FCHSD2: variants seen among roughly 807,000 people sequenced by gnomAD.
FCHSD2 encodes F-BAR and double SH3 domains protein 2.
FCHSD2 carries 38 observed loss-of-function variants against 108.1 expected under a neutral mutation model. The observed-to-expected ratio is 0.35, with a 90% CI of 0.27 to 0.46. FCHSD2 has a LOEUF of 0.46. Ranked by LOEUF, FCHSD2 falls within the 20% of genes least tolerant of loss-of-function variation. The pLI is 1.00. For synonymous variants in FCHSD2, 279 were observed against 314.7 expected, an observed-to-expected ratio of 0.89 and a Z score of 1.20; for missense variants, 751 against 897.8, an observed-to-expected ratio of 0.84 and a Z score of 2.09.
At chr11:72,865,869 T>C (rs1854708983) in intron 13 of FCHSD2, among the ~76,000 whole-genome samples, 1 of 152,182 alleles carries the variant, frequency 6.6e-6, no homozygotes, top group South Asian at 2.1e-4. Context: ...TACACAGTAG[T>C]CCAGTCATAC....
chr11:73,136,077 C>T (rs1192371712), intron 2 of FCHSD2, among the ~76,000 whole-genome samples: 1 of 151,442 alleles, frequency 6.6e-6, no homozygotes. Flanking sequence ...GAAGGATCAC[C>T]TGAACCCAGG....
At chr11:72,918,170 T>G (rs1855913699) in intron 9 of FCHSD2, among the ~76,000 whole-genome samples, 1 of 152,212 alleles carries the variant, frequency 6.6e-6, no homozygotes, top group Non-Finnish European at 1.5e-5. Context: ...GTAGTTGGAA[T>G]TATTTTCTTA....
intron 8 of FCHSD2, among the ~76,000 whole-genome samples, chr11:72,947,312 G>A (rs1052177660): frequency 4.6e-5 from 7 of 152,196 alleles, no homozygotes; most frequent in African/African-American, 1.2e-4. Flanking sequence ...TCACACTCAG[G>A]CCCACATCTG....
At chr11:73,081,716 T>C (rs577846045) in intron 3 of FCHSD2, among the ~76,000 whole-genome samples, 90 of 152,122 alleles carry the variant, frequency 5.9e-4, no homozygotes, top group Non-Finnish European at 1.1e-3. Context: ...CAGACTTTCA[T>C]CTCAATTTTA....
At chr11:73,135,548 T>C (rs1164128203) in intron 2 of FCHSD2, among the ~76,000 whole-genome samples, 1 of 152,156 alleles carries the variant, frequency 6.6e-6, no homozygotes, top group Non-Finnish European at 1.5e-5. Flanking sequence ...CTCTAGTATG[T>C]AGAAACTTAT....
intron 4 of FCHSD2, among the ~76,000 whole-genome samples, chr11:73,010,764 C>T (rs1036452810): frequency 6.6e-6 from 1 of 152,186 alleles, no homozygotes; most frequent in African/African-American, 2.4e-5. Context: ...AGTCTTTGAG[C>T]CCCAGTAGAG....
intron 3 of FCHSD2, among the ~76,000 whole-genome samples, chr11:73,036,015 C>T (rs1057071206): frequency 9.9e-5 from 15 of 152,146 alleles, no homozygotes; most frequent in Non-Finnish European, 1.3e-4. Flanking sequence ...CACCACTCCT[C>T]GCCCAGTTTT....
At chr11:73,093,247 C>T (rs1859998140) in intron 2 of FCHSD2, among the ~76,000 whole-genome samples, 1 of 152,164 alleles carries the variant, frequency 6.6e-6, no homozygotes, top group Admixed American at 6.5e-5. Context: ...GCCCTGTACA[C>T]CTCTTCCCTT....
rs1342033214 is a variant in FCHSD2 at position 72,852,909 on chromosome 11, T to C, written c.1309-3020A>G. ...CAGGAAGAGAAAACCAAATACTGCA[T>C]GTTCTCACTAATAAGTGGGAGCTAA... On this transcript the variant is annotated intron_variant, in intron 13 of 19. Coordinates refer to ENST00000409418, the MANE Select transcript of FCHSD2 (RefSeq NM_014824.3). 2.0e-5 allele frequency among the ~76,000 whole-genome samples: 3 copies of C among 152,280 alleles called. No individual in the cohort carries two copies. In the East Asian group the frequency reaches 5.8e-4, roughly 29 times the overall value.
intron 3 of FCHSD2, among the ~76,000 whole-genome samples, chr11:73,024,998 T>G (rs934346408): frequency 1.3e-5 from 2 of 151,990 alleles, no homozygotes; most frequent in Admixed American, 1.3e-4. Context: ...ATAACAGAAG[T>G]TGGCAAGGTC....
chr11:72,982,044 A>G (rs1490733558), intron 8 of FCHSD2, among the ~76,000 whole-genome samples: 2 of 152,240 alleles, frequency 1.3e-5, no homozygotes, highest in African/African-American at 4.8e-5. Context: ...AAATATATGC[A>G]GAGTTTTCAT....
At chr11:73,141,692 TCA>T (rs962319552) in intron 1 of FCHSD2, among the ~76,000 whole-genome samples, 163 bp downstream of exon 1, 6 of 151,986 alleles carry the variant, frequency 3.9e-5, no homozygotes, top group African/African-American at 1.4e-4. Flanking sequence ...GAAAGGCAAC[TCA>T]CACGCGCGCC....
chr11:73,134,710 T>C (rs1861082280), intron 2 of FCHSD2, among the ~76,000 whole-genome samples: 2 of 152,244 alleles, frequency 1.3e-5, no homozygotes. Flanking sequence ...TTTAAGTGTC[T>C]TTGACTTTGG....
intron 2 of FCHSD2, among the ~76,000 whole-genome samples, chr11:73,108,730 G>A (rs1295237698): frequency 5.3e-5 from 8 of 151,808 alleles, no homozygotes; most frequent in South Asian, 4.2e-4. Context: ...CACCGCGCCC[G>A]GCTAATTTTT....
chr11:72,910,486 T>C (rs985987771), intron 9 of FCHSD2, among the ~76,000 whole-genome samples: 38 of 152,128 alleles, frequency 2.5e-4, no homozygotes, highest in African/African-American at 8.7e-4. Context: ...ATAAGAAAAA[T>C]TCTTCTGCCT....
chr11:73,015,868 A>T lies in FCHSD2; in HGVS notation c.183T>A (p.Ala61=). 6.3e-7 allele frequency: 1 copy of T among 1,599,078 alleles called. No individual in the cohort carries two copies. The highest frequency in any genetic ancestry group is 8.6e-7 in the Non-Finnish European group (1 of 1,169,316). Residue 61 remains alanine, a synonymous_variant, in exon 4 of 20, where the codon GCT becomes GCA. Transcript: ENST00000409418. ...REYAQGMQKL[A]SQYLKRDWPG... is the part of the protein sequence containing the mutation. The stretch of plus-strand genomic sequence containing the variant: ...GCCAATCTCTCTTCAGGTATTGACT[A>T]GCCAACTTCTGCATACCCTGTTAAA...
At chr11:72,838,900 T>G (rs778251705) in intron 19 of FCHSD2, 26 bp from the exon 20 acceptor site, 12 of 1,583,986 alleles carry the variant, frequency 7.6e-6, no homozygotes, top group Non-Finnish European at 1.0e-5. Flanking sequence ...TTACGTAGTT[T>G]GTCAGTCAGT....
chr11:73,057,271 C>T (rs1859048167), intron 3 of FCHSD2, among the ~76,000 whole-genome samples: 1 of 151,990 alleles, frequency 6.6e-6, no homozygotes, highest in South Asian at 2.1e-4. Context: ...ACCTAGGACA[C>T]AGTACACAGG....
chr11:73,020,716 A>G (rs1858081029), intron 3 of FCHSD2, among the ~76,000 whole-genome samples: 1 of 151,918 alleles, frequency 6.6e-6, no homozygotes. Flanking sequence ...AATTGTCTTT[A>G]TTTACTTTTC....
Sources: gnomAD v4.1 joint callset for allele counts (sites outside exome capture counted in the v4.1 genomes callset) on GRCh38, gnomAD v4.1.1 for gene constraint, MANE v1.5 for transcripts, NCBI Gene and HGNC (gene_info 2026-07-23, HGNC 2026-07-21) for gene names.